Variants in MAP3K9 observed in about 807,000 individuals in gnomAD.
MAP3K9 encodes mixed lineage kinase 1 (tyr and ser/thr specificity).
MAP3K9 carries 46 observed loss-of-function variants against 95.8 expected under a neutral mutation model. The observed-to-expected ratio is 0.48, with a 90% CI of 0.38 to 0.61. The LOEUF (loss-of-function observed/expected upper bound fraction) is 0.61, where lower values mean the gene tolerates loss of function less well. Ranked by LOEUF, MAP3K9 falls within the 20% of genes least tolerant of loss-of-function variation. The probability of loss-of-function intolerance (pLI) is 0.00; values close to 1 mark genes in which losing one functional copy is unlikely to be tolerated. For synonymous variants in MAP3K9, 533 were observed against 593.8 expected (o/e 0.90, Z 1.49); for missense variants, 1,296 against 1,474.3 (o/e 0.88, Z 1.98).
At chr14:70,805,671 C>T (rs1173491871) in intron 1 of MAP3K9, among the ~76,000 whole-genome samples, 2 of 152,308 alleles carry the variant, frequency 1.3e-5, no homozygotes, top group Admixed American at 1.3e-4. Context: ...ATAATCCCAA[C>T]ACTCTGGAAG....
intron 2 of MAP3K9, among the ~76,000 whole-genome samples, chr14:70,795,437 T>C (rs974566584): frequency 4.0e-5 from 6 of 151,890 alleles, no homozygotes; most frequent in Non-Finnish European, 8.8e-5. Flanking sequence ...GCCTCCCAAG[T>C]AGTTGGGTCC....
chr14:70,783,926 A>T (rs2054714141), intron 2 of MAP3K9, among the ~76,000 whole-genome samples: 1 of 152,216 alleles, frequency 6.6e-6, no homozygotes, highest in Non-Finnish European at 1.5e-5. Flanking sequence ...AAAATTTTTT[A>T]AATTCCATAA....
chr14:70,804,599 T>G (rs1482395368), intron 1 of MAP3K9, among the ~76,000 whole-genome samples: 1 of 152,228 alleles, frequency 6.6e-6, no homozygotes, highest in Non-Finnish European at 1.5e-5. Flanking sequence ...TACTTTCTCT[T>G]GTACCCTCCC....
At chr14:70,736,909 C>T (rs977762835) in intron 8 of MAP3K9, among the ~76,000 whole-genome samples, 5 of 152,088 alleles carry the variant, frequency 3.3e-5, no homozygotes, top group African/African-American at 9.7e-5. Flanking sequence ...CTTTATGAAT[C>T]AAACTGTTAT....
At chr14:70,804,316 A>C (rs2054965471) in intron 1 of MAP3K9, among the ~76,000 whole-genome samples, 1 of 152,226 alleles carries the variant, frequency 6.6e-6, no homozygotes, top group African/African-American at 2.4e-5. Flanking sequence ...AGAGTTTCTG[A>C]GCCCCAGAAT....
chr14:70,803,527 G>A (rs1487463405), intron 1 of MAP3K9, among the ~76,000 whole-genome samples: 1 of 151,924 alleles, frequency 6.6e-6, no homozygotes, highest in African/African-American at 2.4e-5. Flanking sequence ...GCCCTGTAAC[G>A]CCTCCGTTCT....
At chr14:70,730,927 G>A (rs1014197692) in intron 11 of MAP3K9, 63 bp from the exon 12 acceptor site, 34 of 1,498,538 alleles carry the variant, frequency 2.3e-5, no homozygotes, top group African/African-American at 5.5e-5. Flanking sequence ...TTAGATATCC[G>A]CTACTCCCCC....
chr14:70,799,969 C>T (rs904731347), intron 2 of MAP3K9, among the ~76,000 whole-genome samples: 1 of 152,176 alleles, frequency 6.6e-6, no homozygotes, highest in Admixed American at 6.5e-5. Flanking sequence ...AGTCAGCCAA[C>T]GTGAAGGACT....
rs1162299334 is a variant in MAP3K9 at position 70,730,371 on chromosome 14, C to T, written c.*9G>A. 1.9e-6 allele frequency: 3 copies of T among 1,595,700 alleles called. No homozygotes were observed. The highest frequency in any genetic ancestry group is 2.2e-5 in the South Asian group (2 of 90,196). ...GCTGTCCCCCTTGCCCGCCCCAATC[C>T]TTTTCGTGCTAAGACCAGAACTCCT... On this transcript the variant is annotated 3_prime_UTR_variant, in exon 12 of 12. Coordinates refer to ENST00000554752, the MANE Select transcript of MAP3K9 (RefSeq NM_001284230.2).
chr14:70,765,231 G>A (rs994294247), intron 2 of MAP3K9, among the ~76,000 whole-genome samples: 1 of 152,208 alleles, frequency 6.6e-6, no homozygotes, highest in African/African-American at 2.4e-5. Context: ...TCAGGAGGCT[G>A]AGGCAGAAGA....
At chr14:70,801,408 T>C (rs547580753) in intron 1 of MAP3K9, among the ~76,000 whole-genome samples, 1 of 152,358 alleles carries the variant, frequency 6.6e-6, no homozygotes, top group African/African-American at 2.4e-5. Context: ...TTTCTTTTCT[T>C]TCTTCCTTTA....
chr14:70,746,217 G>A (rs2054144504), intron 5 of MAP3K9, among the ~76,000 whole-genome samples: 1 of 152,128 alleles, frequency 6.6e-6, no homozygotes, highest in African/African-American at 2.4e-5. Flanking sequence ...TCTCTTTAAT[G>A]GAACACAAAC....
In MAP3K9 at chr14:70,734,341, G is replaced by A. The variant is rs1171194883; in HGVS notation, c.2026+45C>T. On this transcript the variant is annotated intron_variant, in intron 10 of 11. Coordinates refer to ENST00000554752, the MANE Select transcript of MAP3K9 (RefSeq NM_001284230.2). ...AGAAGCTTGGGCAAGAATGCCCCCA[G>A]GGAGCAGGGAGACAGCCAAGACTCT... 5.8e-6 allele frequency: 8 copies of A among 1,379,926 alleles called. No individual in the cohort carries two copies. The Admixed American group carries it at 1.2e-4, about 20-fold the overall frequency. The allele number at this position is 1,379,926 out of a possible 1,614,324, so 85.5% of individuals were successfully genotyped here.
intron 2 of MAP3K9, among the ~76,000 whole-genome samples, chr14:70,796,727 G>A (rs1439285061): frequency 6.6e-6 from 1 of 152,142 alleles, no homozygotes; most frequent in African/African-American, 2.4e-5. Flanking sequence ...TCATCCTTCA[G>A]GCCTGTGACT....
At chr14:70,789,904 T>G (rs560956384) in intron 2 of MAP3K9, among the ~76,000 whole-genome samples, 2 of 152,274 alleles carry the variant, frequency 1.3e-5, no homozygotes, top group East Asian at 3.9e-4. Context: ...AGGCACACAA[T>G]TAAAGTCGCC....
chr14:70,764,564 C>T (rs1393475322), intron 2 of MAP3K9, among the ~76,000 whole-genome samples: 3 of 150,264 alleles, frequency 2.0e-5, no homozygotes, highest in Non-Finnish European at 3.0e-5. Flanking sequence ...AGGGTGGTGG[C>T]TCATGCCTGT....
intron 2 of MAP3K9, among the ~76,000 whole-genome samples, chr14:70,777,110 C>A (rs1259127117): frequency 6.6e-6 from 1 of 152,112 alleles, no homozygotes; most frequent in Non-Finnish European, 1.5e-5. Context: ...GGATTACAGG[C>A]GTGAGCCACC....
chr14:70,778,945 G>A (rs958219679), intron 2 of MAP3K9, among the ~76,000 whole-genome samples: 4 of 152,138 alleles, frequency 2.6e-5, no homozygotes, highest in Non-Finnish European at 4.4e-5. Context: ...CAGAGGAAGG[G>A]GCTCCTTAGA....
intron 1 of MAP3K9, among the ~76,000 whole-genome samples, chr14:70,802,209 A>C (rs2054938100): frequency 6.6e-6 from 1 of 152,196 alleles, no homozygotes; most frequent in Admixed American, 6.5e-5. Context: ...GAATATAGGG[A>C]GTACGCAGTC....
Sources: allele counts gnomAD v4.1 joint callset (sites outside exome capture counted in the v4.1 genomes callset), GRCh38; gene constraint gnomAD v4.1.1; transcripts MANE v1.5; gene names NCBI Gene and HGNC (gene_info 2026-07-23, HGNC 2026-07-21).